Variants in HECTD4 observed in about 807,000 individuals in gnomAD.
HECTD4 encodes the protein probable E3 ubiquitin-protein ligase HECTD4.
Under a neutral mutation model 471.5 loss-of-function variants are expected in HECTD4, and 114 were observed. The observed-to-expected ratio is 0.24, with a 90% CI of 0.21 to 0.28. HECTD4 has a LOEUF of 0.28. Among genes scored for constraint, HECTD4 ranks in the 10% least tolerant of loss-of-function variants. The pLI is 1.00. For missense variants in HECTD4, 3,866 were observed against 5,651.5 expected, an observed-to-expected ratio of 0.68 and a Z score of 10.13; for synonymous variants, 2,012 against 2,256.0, an observed-to-expected ratio of 0.89 and a Z score of 3.07.
intron 1 of HECTD4, among the ~76,000 whole-genome samples, chr12:112,327,546 T>C (rs1305056372): frequency 1.3e-5 from 2 of 152,126 alleles, no homozygotes; most frequent in East Asian, 3.8e-4. Context: ...AATAGAAACA[T>C]GGATGTTATT....
chr12:112,332,478 T>C (rs970627728), intron 1 of HECTD4, among the ~76,000 whole-genome samples: 2 of 149,330 alleles, frequency 1.3e-5, no homozygotes, highest in Non-Finnish European at 3.0e-5. Flanking sequence ...GAGGTGGAGG[T>C]TGCAGTGAGC....
At position 112,163,963 on chromosome 12, in the gene HECTD4, C is replaced by G; in HGVS notation, c.12701+146G>C. On this transcript the variant is annotated intron_variant, in intron 73 of 75. Transcript: ENST00000682272. The surrounding 1 kb of genome is among the most constrained non-coding windows in gnomAD (Gnocchi z 8.2). ...GACCCTCTTTCTTGGCACCCACCAT[C>G]CTGCCTCATCTCCCTCTCCTGGTGA... 1.1e-6 allele frequency: 1 copy of G among 943,416 alleles called. No homozygotes were observed. Among genetic ancestry groups the G allele is most frequent in the Non-Finnish European group, 1.5e-6 (1 of 677,744 alleles). The allele number at this position is 943,416 out of a possible 1,614,324, so 58.4% of individuals were successfully genotyped here. A position where few individuals can be genotyped will look rare whatever the true frequency, so the allele number is the denominator to read the frequency against.
intron 4 of HECTD4, among the ~76,000 whole-genome samples, chr12:112,311,316 G>T (rs2035365958): frequency 6.6e-6 from 1 of 151,608 alleles, no homozygotes; most frequent in Non-Finnish European, 1.5e-5. Flanking sequence ...AGAAAAACAG[G>T]CCAGGCGCCG....
intron 1 of HECTD4, among the ~76,000 whole-genome samples, chr12:112,351,358 G>A (rs556297683): frequency 6.6e-6 from 1 of 152,292 alleles, no homozygotes; most frequent in Admixed American, 6.5e-5. Flanking sequence ...GCAGGGCAGG[G>A]CAGGTTTGCA....
chr12:112,185,992 T>G (rs528037940), intron 60 of HECTD4, among the ~76,000 whole-genome samples: 1 of 152,306 alleles, frequency 6.6e-6, no homozygotes, highest in South Asian at 2.1e-4. Context: ...ATTTATTTTA[T>G]TTTTCTTTTT....
chr12:112,167,982 C>G (rs2031048259), intron 70 of HECTD4, 65 bp from the exon 71 acceptor site: 2 of 1,262,928 alleles, frequency 1.6e-6, no homozygotes, highest in African/African-American at 2.9e-5. Flanking sequence ...CCGTTCCCTC[C>G]CTCTCACCTG....
chr12:112,255,282 T>C (rs950638145), intron 21 of HECTD4, among the ~76,000 whole-genome samples: 1 of 152,190 alleles, frequency 6.6e-6, no homozygotes, highest in African/African-American at 2.4e-5. Flanking sequence ...GAGCTATGAA[T>C]TACGGTGGAC....
chr12:112,303,936 C>G (rs1333338491), intron 7 of HECTD4, among the ~76,000 whole-genome samples: 1 of 149,500 alleles, frequency 6.7e-6, no homozygotes, highest in African/African-American at 2.5e-5. Flanking sequence ...TCATCTATCA[C>G]AGCAAAAAAG....
chr12:112,382,169 GC>G lies in HECTD4; in HGVS notation c.-42del. 8.2e-7 allele frequency: 1 copy of G among 1,213,786 alleles called. No homozygotes were observed. Among genetic ancestry groups the G allele is most frequent in the African/African-American group, 1.6e-5 (1 of 63,440 alleles). 75.2% of individuals were successfully genotyped at this position (1,213,786 alleles called of 1,614,324 possible). A position where few individuals can be genotyped will look rare whatever the true frequency, so the allele number is the denominator to read the frequency against. On this transcript the variant is annotated 5_prime_UTR_variant, in exon 1 of 76. Coordinates refer to ENST00000682272, the MANE Select transcript of HECTD4 (RefSeq NM_001388303.1). ...CTTGGCGCTGAGGAGCAGACGCCCG[GC>G]CGGGGGAAACGGAGCAGGAGCCGCC... is the stretch of plus-strand genomic sequence containing the variant.
intron 48 of HECTD4, 128 bp downstream of exon 48, chr12:112,216,164 T>C: frequency 3.0e-6 from 2 of 661,624 alleles, no homozygotes; most frequent in Middle Eastern, 2.9e-4. Context: ...AGCAAGGACG[T>C]GTTTGGTTTT....
intron 29 of HECTD4, among the ~76,000 whole-genome samples, chr12:112,246,397 G>A (rs993413896): frequency 1.3e-5 from 2 of 152,188 alleles, no homozygotes; most frequent in East Asian, 1.9e-4. Context: ...ATGTTAGGAC[G>A]CCAAGGTGGG....
rs765721051 is a variant in HECTD4, at chr12:112,266,998, A to T, written c.2322-16T>A. The T allele has an allele frequency of 1.3e-4, 187 of 1,389,924 alleles. No homozygotes were observed. Among genetic ancestry groups the T allele is most frequent in the Non-Finnish European group, 1.8e-4 (180 of 1,009,994 alleles). 86.1% of individuals were successfully genotyped at this position (1,389,924 alleles called of 1,614,324 possible). ...TAAACCAGAGCTGAAATGACAAAAA[A>T]GTCAAAAACATTTAAGCAAATGTTC... On this transcript the variant is annotated splice_polypyrimidine_tract_variant and intron_variant, in intron 13 of 75. Coordinates refer to ENST00000682272, the MANE Select transcript of HECTD4 (RefSeq NM_001388303.1).
At chr12:112,316,478 C>T (rs569820259) in intron 2 of HECTD4, among the ~76,000 whole-genome samples, 10 of 152,266 alleles carry the variant, frequency 6.6e-5, no homozygotes, top group South Asian at 2.1e-4. Flanking sequence ...ATTTTAGGCA[C>T]GGTCTACCTG....
At chr12:112,176,105 C>T (rs1158159404) in intron 65 of HECTD4, among the ~76,000 whole-genome samples, 1 of 152,254 alleles carries the variant, frequency 6.6e-6, no homozygotes, top group African/African-American at 2.4e-5. Flanking sequence ...TTTCCCACAT[C>T]CCCTCTTTCT....
chr12:112,235,688 A>G lies in HECTD4; in HGVS notation c.5541T>C (p.Leu1847=), dbSNP rs772779764. ...CCGCCCGGCACAGCTGGAGAATAAT[A>G]AGGACTAGCTTTGGAGACGGGCGTT... ...LDQRPSPKLV[L]IILQLCRAAL... is the part of the protein sequence containing the mutation. Residue 1847 remains leucine (L), a synonymous_variant, in exon 36 of 76, where the codon CTT becomes CTC. Transcript: ENST00000682272. The surrounding 1 kb of genome is among the most constrained non-coding windows in gnomAD (Gnocchi z 5.0). 1 of 1,614,030 alleles carries G rather than the reference A, an allele frequency of 6.2e-7. No homozygotes were observed. The highest frequency in any genetic ancestry group is 1.1e-5 in the South Asian group (1 of 91,088).
chr12:112,180,654 C>T (rs1002753891), intron 62 of HECTD4, among the ~76,000 whole-genome samples: 9 of 152,036 alleles, frequency 5.9e-5, no homozygotes, highest in Non-Finnish European at 8.8e-5. Flanking sequence ...GAAAGTTTGA[C>T]TGTAAAAGAA....
intron 7 of HECTD4, among the ~76,000 whole-genome samples, chr12:112,289,197 T>C (rs1197246368): frequency 6.6e-6 from 1 of 152,116 alleles, no homozygotes; most frequent in Non-Finnish European, 1.5e-5. Flanking sequence ...CCTTCAGGGC[T>C]CAAGCGATCC....
intron 15 of HECTD4, 28 bp downstream of exon 15, chr12:112,265,850 T>G (rs752969816): frequency 6.6e-7 from 1 of 1,519,622 alleles, no homozygotes; most frequent in Non-Finnish European, 9.1e-7. Flanking sequence ...ACACAAAGGC[T>G]AGAAGTGAAT....
intron 7 of HECTD4, among the ~76,000 whole-genome samples, chr12:112,289,072 A>G (rs1014702241): frequency 6.6e-6 from 1 of 152,186 alleles, no homozygotes; most frequent in Non-Finnish European, 1.5e-5. Context: ...GTTACATCAT[A>G]TTCCTAAATA....
Sources: gnomAD v4.1 joint callset for allele counts (sites outside exome capture counted in the v4.1 genomes callset) on GRCh38, gnomAD v4.1.1 for gene constraint, Gnocchi (gnomAD v3.1) non-coding constraint, MANE v1.5 for transcripts, NCBI Gene and HGNC (gene_info 2026-07-23, HGNC 2026-07-21) for gene names.